Variants in ANO6 observed in about 807,000 individuals in gnomAD.
ANO6 encodes the protein anoctamin 6, also known as anoctamin-6.
In ANO6, 106 loss-of-function variants were observed where a neutral mutation model predicts 117.5. The observed-to-expected ratio is 0.90, with a 90% CI of 0.77 to 1.06. The LOEUF (loss-of-function observed/expected upper bound fraction) is 1.06. Ranked by LOEUF, ANO6 falls within the 50% of genes least tolerant of loss-of-function variation. The pLI is 0.00. For synonymous variants in ANO6, 367 were observed against 385.1 expected (o/e 0.95, Z 0.55); for missense variants, 955 against 1,121.1 (o/e 0.85, Z 2.12).
intron 15 of ANO6, among the ~76,000 whole-genome samples, chr12:45,404,509 C>A (rs1227281666): frequency 6.6e-6 from 1 of 152,176 alleles, no homozygotes; most frequent in East Asian, 1.9e-4. Flanking sequence ...GTTAGTGGGG[C>A]TGTGTTCATT....
At chr12:45,293,545 G>GA (rs1939176768) in intron 1 of ANO6, among the ~76,000 whole-genome samples, 1 of 151,240 alleles carries the variant, frequency 6.6e-6, no homozygotes, top group South Asian at 2.1e-4. Flanking sequence ...ATGTCCAACT[G>GA]AAAAAAATAC....
At chr12:45,373,253 T>A (rs529748057) in intron 9 of ANO6, among the ~76,000 whole-genome samples, 1 of 152,116 alleles carries the variant, frequency 6.6e-6, no homozygotes, top group Admixed American at 6.5e-5. Context: ...CACCCACACA[T>A]TAATAATGGG....
chr12:45,338,712 C>T (rs1373681764), intron 3 of ANO6, among the ~76,000 whole-genome samples: 1 of 151,910 alleles, frequency 6.6e-6, no homozygotes, highest in African/African-American at 2.4e-5. Flanking sequence ...CTATGAAATG[C>T]GTTGCTGGTA....
chr12:45,377,996 A>G, intron 9 of ANO6, 57 bp from the exon 10 acceptor site: 2 of 1,486,148 alleles, frequency 1.3e-6, no homozygotes, highest in Admixed American at 3.3e-5. Flanking sequence ...TTTCATATTT[A>G]CTGAATCCTA....
chr12:45,223,262 G>A (rs957306211), intron 1 of ANO6, among the ~76,000 whole-genome samples: 10 of 152,166 alleles, frequency 6.6e-5, no homozygotes, highest in African/African-American at 2.2e-4. Context: ...GGCATCAGAA[G>A]TAGTGGGGGG....
intron 9 of ANO6, among the ~76,000 whole-genome samples, chr12:45,368,221 A>G (rs906095300): frequency 2.0e-5 from 3 of 152,182 alleles, no homozygotes; most frequent in South Asian, 2.1e-4. Context: ...CCCTAATCCA[A>G]AACTCCAAAA....
At chr12:45,238,297 C>T (rs1947680600) in intron 1 of ANO6, among the ~76,000 whole-genome samples, 1 of 151,620 alleles carries the variant, frequency 6.6e-6, no homozygotes, top group African/African-American at 2.4e-5. Context: ...ATTACAGGCA[C>T]CTGCCAGCAT....
intron 2 of ANO6, among the ~76,000 whole-genome samples, chr12:45,318,519 T>C (rs1257395780): frequency 6.6e-6 from 1 of 152,210 alleles, no homozygotes; most frequent in African/African-American, 2.4e-5. Flanking sequence ...CCGTTTTGAT[T>C]ACTGTAGCCT....
At chr12:45,350,630 G>A in intron 6 of ANO6, 29 bp from the exon 7 acceptor site, 2 of 1,539,792 alleles carry the variant, frequency 1.3e-6, no homozygotes, top group African/African-American at 2.7e-5. Context: ...GATGATTATG[G>A]TGCTTACATG....
intron 1 of ANO6, among the ~76,000 whole-genome samples, chr12:45,230,302 G>GAA (rs1370636160): frequency 6.6e-6 from 1 of 151,934 alleles, no homozygotes; most frequent in Middle Eastern, 3.2e-3. Flanking sequence ...TGATATGACT[G>GAA]AAAAGGACCT....
At chr12:45,406,950 C>T (rs1942950150) in intron 15 of ANO6, among the ~76,000 whole-genome samples, 1 of 152,168 alleles carries the variant, frequency 6.6e-6, no homozygotes, top group South Asian at 2.1e-4. Flanking sequence ...TATGATGTGG[C>T]TATGACAATA....
intron 16 of ANO6, among the ~76,000 whole-genome samples, chr12:45,415,542 T>C (rs1028914925): frequency 6.6e-6 from 1 of 152,236 alleles, no homozygotes; most frequent in African/African-American, 2.4e-5. Flanking sequence ...TATTTAGGGT[T>C]GGGTGAGTCA....
intron 7 of ANO6, among the ~76,000 whole-genome samples, chr12:45,353,341 G>T (rs907469595): frequency 1.5e-4 from 23 of 151,694 alleles, no homozygotes; most frequent in African/African-American, 5.3e-4. Flanking sequence ...AAAGATATTT[G>T]TACATATGTA....
In ANO6 at chr12:45,302,883, G is replaced by T. The variant is rs1939542572; in HGVS notation, c.150+790G>T. 3.3e-5 allele frequency among the ~76,000 whole-genome samples: 5 copies of T among 152,228 alleles called. No homozygotes were observed. In the South Asian group the frequency reaches 1.0e-3, roughly 32 times the overall value. On this transcript the variant is annotated intron_variant, in intron 2 of 19. Transcript: ENST00000320560. ...ACATTTCCTGATTTTTGTCCCTGCT[G>T]CAAATGGCCTACCACTTTAGGAGTG... is the stretch of plus-strand genomic sequence containing the variant.
chr12:45,327,427 T>G (rs1348270939), intron 2 of ANO6, among the ~76,000 whole-genome samples: 1 of 152,180 alleles, frequency 6.6e-6, no homozygotes, highest in East Asian at 1.9e-4. Context: ...TAAAATCTGC[T>G]TCTGGAATTT....
chr12:45,349,225 A>G (rs1225941154), intron 6 of ANO6, among the ~76,000 whole-genome samples: 2 of 152,220 alleles, frequency 1.3e-5, no homozygotes, highest in African/African-American at 4.8e-5. Flanking sequence ...TTTCTGCAAC[A>G]TAGACTTTTC....
chr12:45,439,964 A>G, exon 20 of ANO6: 28 of 1,457,780 alleles, frequency 1.9e-5, no homozygotes, highest in Non-Finnish European at 2.5e-5. Context: ...CATTCAACAA[A>G]TATTTGTGTG....
At chr12:45,301,314 A>T (rs1173641440) in intron 1 of ANO6, among the ~76,000 whole-genome samples, 2 of 152,096 alleles carry the variant, frequency 1.3e-5, no homozygotes, top group African/African-American at 4.8e-5. Context: ...TAAAATAGCC[A>T]GGCATGGTAG....
chr12:45,429,507 A>G lies in ANO6; in HGVS notation c.*196A>G. 2 of 1,398,620 alleles carry G rather than the reference A, an allele frequency of 1.4e-6. No individual in the cohort carries two copies. The highest frequency in any genetic ancestry group is 1.9e-6 in the Non-Finnish European group (2 of 1,079,876). The allele number at this position is 1,398,620 out of a possible 1,614,324, so 86.6% of individuals were successfully genotyped here. On this transcript the variant is annotated 3_prime_UTR_variant, in exon 20 of 20. Coordinates refer to ENST00000320560, the MANE Select transcript of ANO6 (RefSeq NM_001025356.3). Reference sequence around the variant, plus strand: ...ATGTAAAACTTAGATCATGAAGGGCATAAAACTTATCACCCGGAAAACCTC... The same window carrying G: ...ATGTAAAACTTAGATCATGAAGGGCGTAAAACTTATCACCCGGAAAACCTC...
Sources: allele counts gnomAD v4.1 joint callset (sites outside exome capture counted in the v4.1 genomes callset), GRCh38; gene constraint gnomAD v4.1.1; transcripts MANE v1.5; gene names NCBI Gene and HGNC (gene_info 2026-07-23, HGNC 2026-07-21).